The following ZNF266 variants were observed in gnomAD, a reference collection of about 807,000 sequenced individuals.
ZNF266 encodes the protein zinc finger protein 1.
ZNF266 carries 16 observed loss-of-function variants against 16.4 expected under a neutral mutation model. The observed-to-expected ratio is 0.98, with a 90% confidence interval of 0.66 to 1.48. The LOEUF (loss-of-function observed/expected upper bound fraction) is 1.48, where lower values mean the gene tolerates loss of function less well. Among genes scored for constraint, ZNF266 ranks in the 40% most tolerant of loss-of-function variants. The probability of loss-of-function intolerance (pLI) is 0.00; values close to 1 mark genes in which losing one functional copy is unlikely to be tolerated. For synonymous variants in ZNF266, 262 were observed against 237.9 expected, an observed-to-expected ratio of 1.10 and a Z score of -0.93; for missense variants, 738 against 689.1, an observed-to-expected ratio of 1.07 and a Z score of -0.79.
chr19:9,423,760 C>A (rs192289703), intron 5 of ZNF266, among the ~76,000 whole-genome samples: 3 of 152,242 alleles, frequency 2.0e-5, no homozygotes, highest in South Asian at 4.1e-4. Context: ...CTTTGGGAGG[C>A]CGAGGCAGGT....
In ZNF266 at chr19:9,414,003, A is replaced by T. The variant is rs747579473; in HGVS notation, c.1123T>A (p.Ser375Thr). The change falls in exon 11 of 11, where the codon TCT becomes ACT. Residue 375 changes from serine to threonine, a missense_variant. Physicochemically the swap from Ser to Thr is moderately conservative, Grantham distance 58. Coordinates refer to ENST00000592904, the MANE Select transcript of ZNF266 (RefSeq NM_001370374.1). Reference protein sequence around the residue: ...CKECGIAFTRSSQLTEHLKTH... With the variant: ...CKECGIAFTRTSQLTEHLKTH... ...TTTAAATGTTCAGTAAGTTGAGAAG[A>T]TCTAGTGAAGGCTATCCCACATTCC... 6.2e-7 allele frequency: 1 copy of T among 1,614,192 alleles called. No homozygotes were observed.
intron 9 of ZNF266, among the ~76,000 whole-genome samples, chr19:9,417,416 T>C (rs190130595): frequency 6.6e-6 from 1 of 151,010 alleles, no homozygotes; most frequent in African/African-American, 2.4e-5. Context: ...CACTGTGAGA[T>C]GAAGCACATC....
chr19:9,412,473 T>G lies in ZNF266; in HGVS notation c.*802A>C, dbSNP rs1026028306. The G allele has an allele frequency of 1.3e-5, 2 of 152,180 alleles. No homozygotes were observed. Among genetic ancestry groups the G allele is most frequent in the African/African-American group, 4.8e-5 (2 of 41,438 alleles). The allele number at this position is 152,180 out of a possible 1,614,324, so 9.4% of individuals were successfully genotyped here. On this transcript the variant is annotated 3_prime_UTR_variant, in exon 11 of 11. Transcript: ENST00000592904. ...TTATGTTTGAAGAAAGCTTAAAAAT[T>G]TGTGTTGGTCTGCATTCAAAGCCAT...
chr19:9,421,298 T>G (rs2069844059), intron 5 of ZNF266, among the ~76,000 whole-genome samples: 1 of 150,350 alleles, frequency 6.7e-6, no homozygotes, highest in African/African-American at 2.5e-5. Flanking sequence ...TGGTGTAGAT[T>G]GTACCCACTA....
At position 9,413,552 on chromosome 19, in the gene ZNF266, T is replaced by C. The variant is rs777318990; in HGVS notation, c.1574A>G (p.His525Arg). Residue 525 changes from histidine (H) to arginine (R), a missense_variant, in exon 11 of 11, where the codon CAC (histidine) becomes CGC (arginine). By Grantham distance (29) the His-to-Arg change is conservative. Transcript: ENST00000592904. ...SSSLNNHMRT[H>R]SAKKPFTCME... ...ACACGTGAATGGTTTTTTGGCGCTGTGGGTCCGCATGTGATTATTAAGACT... is the reference window on the plus strand; with the variant it reads ...ACACGTGAATGGTTTTTTGGCGCTGCGGGTCCGCATGTGATTATTAAGACT... 4 of 1,614,218 alleles carry C rather than the reference T, an allele frequency of 2.5e-6. No individual in the cohort carries two copies. Among genetic ancestry groups the C allele is most frequent in the Admixed American group, 1.7e-5 (1 of 60,018 alleles).
At chr19:9,431,211 T>C (rs973587415) in intron 5 of ZNF266, among the ~76,000 whole-genome samples, 2 of 151,950 alleles carry the variant, frequency 1.3e-5, no homozygotes, top group African/African-American at 4.8e-5. Context: ...GCAGTGTGGG[T>C]GTGAGGGCAT....
intron 4 of ZNF266, 53 bp from the exon 5 acceptor site, chr19:9,433,839 A>C (rs746274724): frequency 4.0e-5 from 6 of 151,864 alleles, no homozygotes; most frequent in Non-Finnish European, 7.4e-5. Flanking sequence ...ATGGTGGCGC[A>C]CACTTGTAAT....
intron 5 of ZNF266, among the ~76,000 whole-genome samples, chr19:9,432,089 G>C (rs2071688923): frequency 6.6e-6 from 1 of 151,846 alleles, no homozygotes; most frequent in Non-Finnish European, 1.5e-5. Flanking sequence ...TCAAGTGGCT[G>C]GGATTACAGG....
intron 5 of ZNF266, among the ~76,000 whole-genome samples, chr19:9,430,386 C>A (rs950992871): frequency 6.7e-6 from 1 of 149,002 alleles, no homozygotes. Flanking sequence ...CCTGAACTCA[C>A]TCTGTTCAGT....
intron 5 of ZNF266, 132 bp downstream of exon 5, chr19:9,433,536 G>A (rs1335396866): frequency 1.3e-5 from 2 of 152,110 alleles, no homozygotes; most frequent in African/African-American, 2.4e-5. Context: ...TTTTCATGGA[G>A]AGCTTATTTT....
At position 9,418,648 on chromosome 19, in the gene ZNF266, A is replaced by C; in HGVS notation, c.109-17T>G. On this transcript the variant is annotated splice_polypyrimidine_tract_variant and intron_variant, in intron 7 of 10. Transcript: ENST00000592904. ...CACTGAATCCTAAACCATCACACAC[A>C]TGCTGGCTTGAGCCACAAAACATGT... The C allele has an allele frequency of 8.1e-7, 1 of 1,230,488 alleles. No homozygotes were observed. The highest frequency in any genetic ancestry group is 1.2e-6 in the Non-Finnish European group (1 of 833,130). The allele number at this position is 1,230,488 out of a possible 1,614,324, so 76.2% of individuals were successfully genotyped here.
rs775849906 is a variant in ZNF266 at position 9,413,805 on chromosome 19, G to A, written c.1321C>T (p.His441Tyr). 1 of 1,614,154 alleles carries A rather than the reference G, an allele frequency of 6.2e-7. No individual in the cohort carries two copies. The highest frequency in any genetic ancestry group is 8.5e-7 in the Non-Finnish European group (1 of 1,180,010). ...NSDLTKHART[H>Y]SGERPYECKE... ...CATTCATAGGGCCTCTCTCCACTGT[G>A]AGTTCGTGCATGCTTAGTAAGGTCT... Residue 441 changes from histidine to tyrosine, a missense_variant, in exon 11 of 11, where the codon CAC becomes TAC. Coordinates refer to ENST00000592904, the MANE Select transcript of ZNF266 (RefSeq NM_001370374.1).
intron 5 of ZNF266, among the ~76,000 whole-genome samples, chr19:9,421,875 G>A (rs984810844): frequency 4.0e-5 from 6 of 151,400 alleles, no homozygotes; most frequent in Admixed American, 6.6e-5. Context: ...CTTTTGAGAC[G>A]GAGGCTCGCT....
At chr19:9,428,731 A>AC (rs1199938598) in intron 5 of ZNF266, among the ~76,000 whole-genome samples, 3 of 151,690 alleles carry the variant, frequency 2.0e-5, no homozygotes, top group Non-Finnish European at 4.4e-5. Context: ...AAAAAAAAAA[A>AC]AACCCTGGGA....
rs1184869955 is a variant in ZNF266 at position 9,414,094 on chromosome 19, G to A, written c.1032C>T (p.Phe344=). ...GTTGACTTAAGCAAGAGGAAACAGT[G>A]AAGGCTCTCCCACAATCCTTACATT... is the stretch of plus-strand genomic sequence containing the variant. ...PYKCKDCGRA[F]TVSSCLSQHM... is the part of the protein sequence containing the mutation. The change falls in exon 11 of 11, where the codon TTC becomes TTT. Residue 344 remains phenylalanine (F), a synonymous_variant. Transcript: ENST00000592904. 2.0e-5 allele frequency: 33 copies of A among 1,613,586 alleles called. No homozygotes were observed. Among genetic ancestry groups the A allele is most frequent in the Non-Finnish European group, 2.7e-5 (32 of 1,179,902 alleles).
At chr19:9,416,494 G>C (rs1418767804) in intron 9 of ZNF266, among the ~76,000 whole-genome samples, 1 of 150,838 alleles carries the variant, frequency 6.6e-6, no homozygotes, top group Non-Finnish European at 1.5e-5. Flanking sequence ...CTCCCGAGTA[G>C]CTGGGATTAC....
At chr19:9,415,328 T>C (rs142997299) in intron 10 of ZNF266, among the ~76,000 whole-genome samples, 18 of 152,326 alleles carry the variant, frequency 1.2e-4, no homozygotes, top group Non-Finnish European at 2.6e-4. Context: ...AAGCTAGATT[T>C]CAAGCATCCC....
At chr19:9,428,857 CATT>C (rs1568422366) in intron 5 of ZNF266, among the ~76,000 whole-genome samples, 1 of 152,076 alleles carries the variant, frequency 6.6e-6, no homozygotes, top group East Asian at 1.9e-4. Flanking sequence ...GAGTTACAGA[CATT>C]ATTAGTAACC....
chr19:9,429,391 T>C (rs552177586), intron 5 of ZNF266, among the ~76,000 whole-genome samples: 1 of 152,084 alleles, frequency 6.6e-6, no homozygotes, highest in East Asian at 1.9e-4. Flanking sequence ...AACAAAAACA[T>C]GTTGTCAGGT....
Sources: gnomAD v4.1 joint callset for allele counts (sites outside exome capture counted in the v4.1 genomes callset) on GRCh38, gnomAD v4.1.1 for gene constraint, MANE v1.5 for transcripts, NCBI Gene and HGNC (gene_info 2026-07-23, HGNC 2026-07-21) for gene names.